The following HBP1 variants were observed in gnomAD, a reference collection of about 807,000 sequenced individuals.
The protein encoded by HBP1 is HMG-box transcription factor 1, also known as HMG box-containing protein 1.
In HBP1, 20 loss-of-function variants were observed where a neutral mutation model predicts 62.6. The ratio of observed to expected loss-of-function variants is 0.32; its 90% CI spans 0.22 to 0.46. HBP1 has a LOEUF of 0.46. HBP1 is among the 20% of genes least tolerant of loss of function. HBP1 has a pLI of 1.00. For synonymous variants in HBP1, 232 were observed against 206.2 expected, an observed-to-expected ratio of 1.12 and a Z score of -1.07; for missense variants, 480 against 611.8, an observed-to-expected ratio of 0.78 and a Z score of 2.27.
intron 8 of HBP1, chr7:107,192,691 A>G (rs1285229787): frequency 6.6e-6 from 1 of 152,172 alleles, no homozygotes; most frequent in African/African-American, 2.4e-5. Flanking sequence ...CTTTTCTGAG[A>G]TAGCAAATTC....
At chr7:107,192,252 T>G (rs1797685922) in intron 8 of HBP1, among the ~76,000 whole-genome samples, 1 of 152,026 alleles carries the variant, frequency 6.6e-6, no homozygotes, top group Non-Finnish European at 1.5e-5. Context: ...AGTAAACTAC[T>G]CTTCTCAGTT....
At chr7:107,180,107 A>T in intron 2 of HBP1, 45 bp downstream of exon 2, 1 of 1,327,088 alleles carries the variant, frequency 7.5e-7, no homozygotes, top group Non-Finnish European at 1.1e-6. Context: ...TAAGATTCAG[A>T]TAAATTTTTC....
intron 1 of HBP1, among the ~76,000 whole-genome samples, chr7:107,174,114 T>C (rs1212642216): frequency 6.6e-6 from 1 of 152,212 alleles, no homozygotes; most frequent in Non-Finnish European, 1.5e-5. Context: ...TTGAATTTTG[T>C]TTTCATATAT....
chr7:107,172,991 A>C (rs1796672389), intron 1 of HBP1, among the ~76,000 whole-genome samples: 1 of 152,340 alleles, frequency 6.6e-6, no homozygotes, highest in African/African-American at 2.4e-5. Context: ...GACCAAAACG[A>C]ATCCACTAAG....
chr7:107,201,321 A>G (rs1798279603), intron 10 of HBP1, 93 bp from the exon 11 acceptor site: 8 of 728,556 alleles, frequency 1.1e-5, no homozygotes, highest in Non-Finnish European at 1.8e-5. Context: ...CTAATAGTAA[A>G]TTTATAAACA....
At chr7:107,192,554 T>G (rs533065845) in intron 8 of HBP1, 1 of 152,126 alleles carries the variant, frequency 6.6e-6, no homozygotes, top group Non-Finnish European at 1.5e-5. Flanking sequence ...TATTCTTAAT[T>G]TGGATTGTGG....
chr7:107,174,819 G>A (rs903331810), intron 1 of HBP1: 2 of 432,038 alleles, frequency 4.6e-6, no homozygotes, highest in South Asian at 9.6e-5. Context: ...AGCATAGTAC[G>A]GATATTCATA....
intron 1 of HBP1, among the ~76,000 whole-genome samples, chr7:107,178,299 C>T (rs1242192418): frequency 1.3e-5 from 2 of 152,172 alleles, no homozygotes; most frequent in African/African-American, 4.8e-5. Context: ...GCATGAGCTA[C>T]TGCATCAGGC....
intron 1 of HBP1, among the ~76,000 whole-genome samples, chr7:107,172,512 C>T (rs1198230860): frequency 6.6e-6 from 1 of 151,898 alleles, no homozygotes; most frequent in Non-Finnish European, 1.5e-5. Context: ...TGTGACTTAT[C>T]TTATATGACT....
rs776591151 is a variant in HBP1 at position 107,195,969 on chromosome 7, C to T, written c.1203C>T (p.Gly401=). The T allele has an allele frequency of 6.2e-7, 1 of 1,614,066 alleles. No homozygotes were observed. Among genetic ancestry groups the T allele is most frequent in the Non-Finnish European group, 8.5e-7 (1 of 1,179,972 alleles). Residue 401 remains glycine (G), a synonymous_variant, in exon 9 of 11, where the codon GGC becomes GGT. Transcript: ENST00000222574. ...FARSGFSKNC[G]SPGSSQLSSN... is the part of the protein sequence containing the mutation. ...GATCTGGATTCAGTAAAAACTGTGG[C>T]TCACCTGGATCATCACAGCTCTCTT...
At chr7:107,196,224 TAAGTA>T (rs1469813436) in intron 9 of HBP1, 73 bp downstream of exon 9, 1 of 881,308 alleles carries the variant, frequency 1.1e-6, no homozygotes, top group Non-Finnish European at 1.9e-6. Flanking sequence ...CTGGAATAGT[TAAGTA>T]AACTTATTCT....
intron 1 of HBP1, among the ~76,000 whole-genome samples, chr7:107,178,153 T>C (rs1161111363): frequency 3.3e-5 from 5 of 152,188 alleles, no homozygotes; most frequent in African/African-American, 1.2e-4. Context: ...CAGGATTTTT[T>C]TGTGTATTTC....
At chr7:107,179,086 A>G (rs1422543610) in intron 1 of HBP1, among the ~76,000 whole-genome samples, 1 of 152,268 alleles carries the variant, frequency 6.6e-6, no homozygotes. Context: ...CACTTTCAGA[A>G]TGAAGAAACA....
At position 107,186,712 on chromosome 7, in the gene HBP1, A is replaced by G. The variant is rs1228480127; in HGVS notation, c.765+31A>G. On this transcript the variant is annotated intron_variant, in intron 6 of 10. Transcript: ENST00000222574. Reference sequence around the variant, plus strand: ...TTTAAAATTCTTAAAAAATTTTTCAAAATCTTTCCAAATGAAACAAGATTT... The same window carrying G: ...TTTAAAATTCTTAAAAAATTTTTCAGAATCTTTCCAAATGAAACAAGATTT... The G allele has an allele frequency of 5.0e-6, 6 of 1,190,814 alleles. No individual in the cohort carries two copies. In the South Asian group the frequency reaches 7.6e-5, roughly 15 times the overall value. 73.8% of individuals were successfully genotyped at this position (1,190,814 alleles called of 1,614,324 possible).
rs552946004 is a variant in HBP1 at position 107,175,312 on chromosome 7, T to C, written c.-15-4567T>C. ...TTGTGTTAGGCTCTATTCTGAGCAT[T>C]TTACATGATCTCACTGAGTTTTTGT... On this transcript the variant is annotated intron_variant, in intron 1 of 10. Transcript: ENST00000222574. 8.4e-4 allele frequency among the ~76,000 whole-genome samples: 128 copies of C among 152,284 alleles called. 4 individuals carry two copies. In the South Asian group the frequency reaches 0.024, roughly 28 times the overall value.
Position 107,185,842 on chromosome 7 carries a change from A to C in HBP1, c.440A>C (p.His147Pro). Residue 147 changes from histidine (H) to proline (P), a missense_variant, in exon 4 of 11, where the codon CAT (histidine) becomes CCT (proline). By Grantham distance (77) the His-to-Pro change is moderately conservative. Around this residue, in one of 4 missense-constraint regions of HBP1, gnomAD observed 304 missense variants for 330.9 expected, o/e 0.92. Coordinates refer to ENST00000222574, the MANE Select transcript of HBP1 (RefSeq NM_012257.4). Reference protein sequence around the residue: ...VHIIATSKSLHSYARPPPVSS... With the variant: ...VHIIATSKSLPSYARPPPVSS... ...ATCATAGCCACTAGCAAAAGTTTAC[A>C]TTCCTATGCACGCCCTCCACCAGTG... The C allele has an allele frequency of 6.2e-7, 1 of 1,613,452 alleles. No individual in the cohort carries two copies. Among genetic ancestry groups the C allele is most frequent in the African/African-American group, 1.3e-5 (1 of 75,072 alleles).
chr7:107,201,524 C>A lies in HBP1; in HGVS notation c.*93C>A, dbSNP rs1412138039. On this transcript the variant is annotated 3_prime_UTR_variant, in exon 11 of 11. Coordinates refer to ENST00000222574, the MANE Select transcript of HBP1 (RefSeq NM_012257.4). ...AGATCAAGGTCTCACCATTTGTCCT[C>A]AATTCGTGTGACCATAAGATACTGA... 2.8e-6 allele frequency: 2 copies of A among 719,122 alleles called. No homozygotes were observed. The highest frequency in any genetic ancestry group is 1.8e-5 in the African/African-American group (1 of 56,056). The allele number at this position is 719,122 out of a possible 1,614,324, so 44.5% of individuals were successfully genotyped here. A position where few individuals can be genotyped will look rare whatever the true frequency, so the allele number is the denominator to read the frequency against.
intron 2 of HBP1, among the ~76,000 whole-genome samples, chr7:107,181,702 A>G (rs770870967): frequency 6.6e-6 from 1 of 151,134 alleles, no homozygotes; most frequent in Non-Finnish European, 1.5e-5. Context: ...TCCCTACTAC[A>G]TACACACATA....
Position 107,186,587 on chromosome 7 carries a change from A to T in HBP1, c.671A>T (p.His224Leu), listed in dbSNP as rs768445935. ...ACCTTAGGCACACGACTGTGCTTTCATAAGGGAAGCAATAAGGAATGGCAA... is the reference window on the plus strand; with the variant it reads ...ACCTTAGGCACACGACTGTGCTTTCTTAAGGGAAGCAATAAGGAATGGCAA... ...CFLKGTRLCF[H>L]KGSNKEWQDV... is the part of the protein sequence containing the mutation. Residue 224 changes from histidine to leucine, a missense_variant, in exon 6 of 11, where the codon CAT (histidine) becomes CTT (leucine). By Grantham distance (99) the His-to-Leu change is moderately conservative. Transcript: ENST00000222574. 5 of 1,611,956 alleles carry T rather than the reference A, an allele frequency of 3.1e-6. No individual in the cohort carries two copies. The highest frequency in any genetic ancestry group is 3.4e-6 in the Non-Finnish European group (4 of 1,178,116).
Sources: gnomAD v4.1 joint callset for allele counts (sites outside exome capture counted in the v4.1 genomes callset) on GRCh38, gnomAD v4.1.1 for gene constraint, gnomAD v4.1.1 regional missense constraint, MANE v1.5 for transcripts, NCBI Gene and HGNC (gene_info 2026-07-23, HGNC 2026-07-21) for gene names.